The following CSMD3 variants were observed in gnomAD, a reference collection of about 807,000 sequenced individuals.
CSMD3 encodes the protein CUB and Sushi multiple domains 3.
CSMD3 carries 177 observed loss-of-function variants against 435.2 expected under a neutral mutation model. That is an observed-to-expected ratio of 0.41 (90% CI 0.36 to 0.46). The LOEUF is 0.46. Among genes scored for constraint, CSMD3 ranks in the 20% least tolerant of loss-of-function variants. CSMD3 has a pLI of 0.34. For synonymous variants in CSMD3, 1,656 were observed against 1,520.5 expected (o/e 1.09, Z -2.07); for missense variants, 4,265 against 4,504.6 (o/e 0.95, Z 1.52).
intron 13 of CSMD3, among the ~76,000 whole-genome samples, chr8:112,762,308 T>A (rs2077859769): frequency 6.6e-6 from 1 of 151,988 alleles, no homozygotes; most frequent in African/African-American, 2.4e-5. Context: ...ATTGTACATG[T>A]ATTGTCATAA....
intron 1 of CSMD3, among the ~76,000 whole-genome samples, chr8:113,369,058 T>C (rs965739486): frequency 1.3e-5 from 2 of 152,002 alleles, no homozygotes; most frequent in Non-Finnish European, 2.9e-5. Flanking sequence ...TGGTGGCAAG[T>C]GAGGCAAACA....
At chr8:113,000,193 T>C (rs1172967601) in intron 6 of CSMD3, among the ~76,000 whole-genome samples, 2 of 152,002 alleles carry the variant, frequency 1.3e-5, no homozygotes, top group Non-Finnish European at 2.9e-5. Context: ...AGAAAGTGTT[T>C]CAAGAAACTG....
At position 112,527,642 on chromosome 8, in the gene CSMD3, A is replaced by T. The variant is rs553712668; in HGVS notation, c.4565-10417T>A. Reference sequence around the variant, plus strand: ...GGTAGGTGCACAAGGTATTTTTTTTAAAAAAACATGTTGGGCTATGGTTTT... The same window carrying T: ...GGTAGGTGCACAAGGTATTTTTTTTTAAAAAACATGTTGGGCTATGGTTTT... On this transcript the variant is annotated intron_variant, in intron 27 of 70. Transcript: ENST00000297405. Among the ~76,000 whole-genome samples, 312 of 151,944 alleles carry T rather than the reference A, an allele frequency of 2.1e-3. 1 individual carries two copies. The highest frequency in any genetic ancestry group is 3.4e-3 in the Non-Finnish European group (228 of 67,850).
intron 35 of CSMD3, among the ~76,000 whole-genome samples, chr8:112,399,556 C>T (rs980611983): frequency 6.6e-6 from 1 of 151,978 alleles, no homozygotes; most frequent in Non-Finnish European, 1.5e-5. Flanking sequence ...TGCCTGGTCC[C>T]GATTTCCAAT....
intron 13 of CSMD3, among the ~76,000 whole-genome samples, chr8:112,747,312 T>C (rs1022063338): frequency 6.7e-6 from 1 of 150,274 alleles, no homozygotes; most frequent in African/African-American, 2.5e-5. Flanking sequence ...CTAAGTTAAA[T>C]GTGGTTGGAG....
chr8:112,795,690 G>T (rs1434213703), intron 13 of CSMD3, among the ~76,000 whole-genome samples: 3 of 152,038 alleles, frequency 2.0e-5, no homozygotes, highest in Admixed American at 6.6e-5. Context: ...AAATAACATT[G>T]GTGTATACCC....
intron 50 of CSMD3, 119 bp downstream of exon 50, chr8:112,310,859 G>A (rs1481310743): frequency 2.4e-6 from 2 of 818,462 alleles, no homozygotes; most frequent in Non-Finnish European, 4.1e-6. Flanking sequence ...TATGAAAAGA[G>A]TTCACAATAT....
At chr8:112,869,605 T>G (rs1481614855) in intron 10 of CSMD3, among the ~76,000 whole-genome samples, 3 of 152,134 alleles carry the variant, frequency 2.0e-5, no homozygotes, top group African/African-American at 7.2e-5. Context: ...CAGCACTATT[T>G]GCAATAGCAA....
At chr8:113,334,922 T>C (rs571115527) in intron 1 of CSMD3, among the ~76,000 whole-genome samples, 7 of 152,188 alleles carry the variant, frequency 4.6e-5, no homozygotes, top group African/African-American at 1.7e-4. Flanking sequence ...CTCCTTTTAG[T>C]CCTAATATTG....
At chr8:112,991,332 T>C (rs995566459) in intron 6 of CSMD3, among the ~76,000 whole-genome samples, 2 of 151,632 alleles carry the variant, frequency 1.3e-5, no homozygotes, top group Middle Eastern at 3.2e-3. Context: ...AGCTAGGAGA[T>C]TGGGAAGGAT....
At chr8:113,096,130 C>T (rs2131534352) in intron 5 of CSMD3, among the ~76,000 whole-genome samples, 1 of 152,158 alleles carries the variant, frequency 6.6e-6, no homozygotes, top group East Asian at 1.9e-4. Context: ...CAGCCCACAC[C>T]TTTGACTTGA....
intron 5 of CSMD3, among the ~76,000 whole-genome samples, chr8:113,095,393 A>G (rs190994007): frequency 2.0e-5 from 3 of 152,166 alleles, no homozygotes; most frequent in Non-Finnish European, 4.4e-5. Context: ...GTAATTGCCT[A>G]TAATATCTCT....
At chr8:112,355,223 G>A (rs1164083359) in intron 38 of CSMD3, among the ~76,000 whole-genome samples, 1 of 152,152 alleles carries the variant, frequency 6.6e-6, no homozygotes, top group Non-Finnish European at 1.5e-5. Context: ...ATATTTAAAT[G>A]TAAGACATCA....
At chr8:112,866,750 T>C (rs1204826869) in intron 10 of CSMD3, among the ~76,000 whole-genome samples, 2 of 152,144 alleles carry the variant, frequency 1.3e-5, no homozygotes, top group South Asian at 2.1e-4. Context: ...AGTAACTTGG[T>C]ATTGACAACA....
intron 6 of CSMD3, among the ~76,000 whole-genome samples, chr8:112,995,891 G>A (rs868683388): frequency 4.6e-5 from 7 of 151,554 alleles, no homozygotes; most frequent in South Asian, 2.1e-4. Context: ...TCTCTCTGAA[G>A]GATTGTGCGG....
chr8:112,993,242 G>GCTTTCC (rs1382606105), intron 6 of CSMD3, among the ~76,000 whole-genome samples: 1 of 151,840 alleles, frequency 6.6e-6, no homozygotes, highest in Non-Finnish European at 1.5e-5. Context: ...AGAAACAGAT[G>GCTTTCC]CTGTGAGCAG....
At chr8:112,301,542 T>C (rs1367871355) in intron 53 of CSMD3, among the ~76,000 whole-genome samples, 1 of 152,128 alleles carries the variant, frequency 6.6e-6, no homozygotes, top group Non-Finnish European at 1.5e-5. Flanking sequence ...GCAATTAGTT[T>C]TCACCATTAT....
intron 4 of CSMD3, among the ~76,000 whole-genome samples, chr8:113,131,599 G>T (rs1288576306): frequency 6.6e-6 from 1 of 152,124 alleles, no homozygotes; most frequent in Non-Finnish European, 1.5e-5. Context: ...GTCTGCTGCA[G>T]GGGCAGAGAC....
intron 22 of CSMD3, among the ~76,000 whole-genome samples, chr8:112,631,769 A>G (rs1173393556): frequency 6.6e-6 from 1 of 151,952 alleles, no homozygotes; most frequent in Non-Finnish European, 1.5e-5. Context: ...ATTTCTTTAT[A>G]TTACTCACTA....
Sources: gnomAD v4.1 joint callset for allele counts (sites outside exome capture counted in the v4.1 genomes callset) on GRCh38, gnomAD v4.1.1 for gene constraint, MANE v1.5 for transcripts, NCBI Gene and HGNC (gene_info 2026-07-23, HGNC 2026-07-21) for gene names.